Variants in TMEM132C observed in about 807,000 individuals in gnomAD.
TMEM132C encodes protein phosphatase 1, regulatory subunit 152.
In TMEM132C, 29 loss-of-function variants were observed where a neutral mutation model predicts 61.4. The observed-to-expected ratio is 0.47, with a 90% confidence interval of 0.35 to 0.64. The LOEUF is 0.64. Ranked by LOEUF, TMEM132C falls within the 30% of genes least tolerant of loss-of-function variation. The pLI, the probability that TMEM132C is intolerant of heterozygous loss-of-function variation, is 0.00. For missense variants in TMEM132C, 1,408 were observed against 1,476.9 expected (o/e 0.95, Z 0.76); for synonymous variants, 656 against 633.1 (o/e 1.04, Z -0.54).
intron 2 of TMEM132C, among the ~76,000 whole-genome samples, chr12:128,416,642 A>G (rs939326644): frequency 6.6e-6 from 1 of 152,194 alleles, no homozygotes; most frequent in African/African-American, 2.4e-5. Flanking sequence ...TAATATAGCT[A>G]TAAGGATGCT....
rs1271855197 is a variant in TMEM132C at position 128,705,755 on chromosome 12, C to T, written c.2787C>T (p.Ala929=). The T allele has an allele frequency of 1.9e-6, 3 of 1,551,456 alleles. No individual in the cohort carries two copies. The highest frequency in any genetic ancestry group is 2.0e-5 in the Admixed American group (1 of 51,004). ...GLSDLEIGMY[A]LLGVFCLAIL... is the part of the protein sequence containing the mutation. ...GTGATCTGGAGATAGGGATGTACGC[C>T]CTCCTGGGGGTGTTCTGCCTGGCCA... is the stretch of plus-strand genomic sequence containing the variant. The change falls in exon 9 of 9, where the codon GCC becomes GCT. Residue 929 remains alanine, a synonymous_variant. Transcript: ENST00000435159.
At chr12:128,530,363 A>G (rs1873244007) in intron 2 of TMEM132C, among the ~76,000 whole-genome samples, 1 of 152,152 alleles carries the variant, frequency 6.6e-6, no homozygotes, top group Non-Finnish European at 1.5e-5. Context: ...CTGTGGTATG[A>G]AATACTCTCA....
At chr12:128,665,410 C>G (rs566025245) in intron 4 of TMEM132C, among the ~76,000 whole-genome samples, 1 of 150,882 alleles carries the variant, frequency 6.6e-6, no homozygotes, top group Non-Finnish European at 1.5e-5. Flanking sequence ...CACACATACA[C>G]AAATACAGGC....
At chr12:128,665,464 C>T (rs1460394246) in intron 4 of TMEM132C, among the ~76,000 whole-genome samples, 2 of 151,292 alleles carry the variant, frequency 1.3e-5, no homozygotes, top group African/African-American at 4.9e-5. Context: ...CTCACACACA[C>T]ACAAACATAG....
At chr12:128,574,744 G>T (rs947463558) in intron 3 of TMEM132C, among the ~76,000 whole-genome samples, 1 of 152,156 alleles carries the variant, frequency 6.6e-6, no homozygotes, top group Non-Finnish European at 1.5e-5. Flanking sequence ...GGGGCACCAG[G>T]GACTGATTCC....
chr12:128,572,847 T>G (rs1013442563), intron 3 of TMEM132C, among the ~76,000 whole-genome samples: 7 of 152,220 alleles, frequency 4.6e-5, no homozygotes, highest in African/African-American at 9.6e-5. Flanking sequence ...ACTAGAAACA[T>G]AGGGTTTAAA....
chr12:128,582,706 T>C (rs188373033), intron 3 of TMEM132C, among the ~76,000 whole-genome samples: 252 of 152,332 alleles, frequency 1.7e-3, no homozygotes, highest in Middle Eastern at 3.4e-3. Flanking sequence ...ACTCCCATCA[T>C]GATTCCGAGG....
At chr12:128,413,758 C>T (rs1421130085) in intron 1 of TMEM132C, among the ~76,000 whole-genome samples, 1 of 151,938 alleles carries the variant, frequency 6.6e-6, no homozygotes, top group East Asian at 1.9e-4. Flanking sequence ...GCCATTAGCC[C>T]TTTTAATGTG....
rs891505462 is a variant in TMEM132C at position 128,267,213 on chromosome 12, G to T, written c.-190G>T. ...GAGCGCGAGCAGCGGCGGAGCCGGA[G>T]CCGCCAGAGCCAGAGCCGGAGCTGC... On this transcript the variant is annotated 5_prime_UTR_variant, in exon 1 of 9. Transcript: ENST00000435159. Among the ~76,000 whole-genome samples the T allele has an allele frequency of 4.8e-5, 7 of 147,068 alleles. No individual in the cohort carries two copies. Among genetic ancestry groups the T allele is most frequent in the Admixed American group, 2.7e-4 (4 of 14,818 alleles).
chr12:128,421,231 A>G (rs1282256013), intron 2 of TMEM132C, among the ~76,000 whole-genome samples: 1 of 152,208 alleles, frequency 6.6e-6, no homozygotes, highest in East Asian at 1.9e-4. Flanking sequence ...TTGCAGAGAT[A>G]TGGAATCGAC....
intron 1 of TMEM132C, among the ~76,000 whole-genome samples, chr12:128,363,104 C>CT (rs1156715821): frequency 1.1e-4 from 17 of 152,222 alleles, no homozygotes; most frequent in African/African-American, 4.1e-4. Context: ...GATTGATTTA[C>CT]TGACAGTACC....
At chr12:128,512,217 G>A (rs768940000) in intron 2 of TMEM132C, among the ~76,000 whole-genome samples, 6 of 151,758 alleles carry the variant, frequency 4.0e-5, no homozygotes, top group Non-Finnish European at 7.4e-5. Flanking sequence ...CCATCTCAGC[G>A]CCCACCCCCA....
chr12:128,527,006 T>C (rs4882778), intron 2 of TMEM132C, among the ~76,000 whole-genome samples: 143,732 of 152,256 alleles, frequency 0.94, 68,381 homozygotes, highest in East Asian at 1. Flanking sequence ...CCTCAAAGTA[T>C]ACACTTGTAA....
chr12:128,318,359 C>T (rs182361176), intron 1 of TMEM132C, among the ~76,000 whole-genome samples: 15 of 152,132 alleles, frequency 9.9e-5, no homozygotes, highest in African/African-American at 2.4e-4. Context: ...TTCCTGGCAT[C>T]GTACATGTAA....
intron 8 of TMEM132C, among the ~76,000 whole-genome samples, 164 bp downstream of exon 8, chr12:128,697,579 C>G (rs932379910): frequency 1.3e-5 from 2 of 152,208 alleles, no homozygotes; most frequent in African/African-American, 4.8e-5. Flanking sequence ...ACCCACATAG[C>G]TTTTGAGCAA....
chr12:128,497,863 A>G (rs936626263), intron 2 of TMEM132C, among the ~76,000 whole-genome samples: 1 of 152,074 alleles, frequency 6.6e-6, no homozygotes, highest in African/African-American at 2.4e-5. Context: ...AGCCCCAGTG[A>G]GATGAACCCG....
intron 1 of TMEM132C, among the ~76,000 whole-genome samples, chr12:128,274,000 C>T (rs1296383401): frequency 6.6e-6 from 1 of 152,156 alleles, no homozygotes; most frequent in Non-Finnish European, 1.5e-5. Context: ...AGTTTCTCTT[C>T]AAGATGTTAT....
intron 3 of TMEM132C, among the ~76,000 whole-genome samples, chr12:128,600,953 G>A (rs560658054): frequency 1.3e-4 from 20 of 152,146 alleles, no homozygotes; most frequent in African/African-American, 4.3e-4. Context: ...CATCAATTAC[G>A]AAAATTAACT....
intron 2 of TMEM132C, among the ~76,000 whole-genome samples, chr12:128,523,176 G>A (rs1215485060): frequency 6.6e-6 from 1 of 152,186 alleles, no homozygotes; most frequent in Non-Finnish European, 1.5e-5. Context: ...AACAAATACT[G>A]TAGGGTTCCG....
Sources: gnomAD v4.1 joint callset for allele counts (sites outside exome capture counted in the v4.1 genomes callset) on GRCh38, gnomAD v4.1.1 for gene constraint, MANE v1.5 for transcripts, NCBI Gene and HGNC (gene_info 2026-07-23, HGNC 2026-07-21) for gene names.